Variants in PHACTR3 observed in about 807,000 individuals in gnomAD.
PHACTR3 encodes protein phosphatase 1, regulatory subunit 123.
A neutral mutation model predicts 66.8 loss-of-function variants in PHACTR3; 16 were observed. That is an observed-to-expected ratio of 0.24 (90% confidence interval 0.16 to 0.36). The LOEUF (loss-of-function observed/expected upper bound fraction) is 0.36, where lower values mean the gene tolerates loss of function less well. Ranked by LOEUF, PHACTR3 falls within the 10% of genes least tolerant of loss-of-function variation. The probability of loss-of-function intolerance (pLI) is 1.00; values close to 1 mark genes in which losing one functional copy is unlikely to be tolerated. For synonymous variants in PHACTR3, 323 were observed against 292.1 expected (o/e 1.11, Z -1.08); for missense variants, 647 against 719.9 (o/e 0.90, Z 1.16).
chr20:59,822,640 G>A (rs1600719096), intron 8 of PHACTR3, among the ~76,000 whole-genome samples: 2 of 152,246 alleles, frequency 1.3e-5, no homozygotes, highest in East Asian at 2.0e-4. Context: ...GATGAGGTGC[G>A]CCTGTCTTTT....
intron 1 of PHACTR3, among the ~76,000 whole-genome samples, chr20:59,677,160 A>G (rs1247822513): frequency 6.6e-6 from 1 of 152,212 alleles, no homozygotes; most frequent in Admixed American, 6.5e-5. Flanking sequence ...TCCAGGAAAT[A>G]ATAGATTGTC....
At chr20:59,682,023 AG>A (rs1165126930) in intron 1 of PHACTR3, among the ~76,000 whole-genome samples, 4,031 of 150,354 alleles carry the variant, frequency 0.027, 74 homozygotes, top group Middle Eastern at 0.058. Flanking sequence ...AAAAAAAAAA[AG>A]AAAGAAAGAA....
intron 7 of PHACTR3, among the ~76,000 whole-genome samples, chr20:59,786,917 T>C (rs894113025): frequency 3.9e-5 from 5 of 126,920 alleles, no homozygotes; most frequent in African/African-American, 1.3e-4. Flanking sequence ...ACAATGGTGA[T>C]CTTCACTAAT....
intron 2 of PHACTR3, among the ~76,000 whole-genome samples, chr20:59,745,612 C>G (rs185764263): frequency 1.3e-5 from 2 of 152,188 alleles, no homozygotes; most frequent in African/African-American, 4.8e-5. Flanking sequence ...ACGGGCATCA[C>G]GGGTTAGGAT....
Position 59,604,877 on chromosome 20 carries a change from C to CTTTTTTTTTTTTTTTTTTT in PHACTR3, c.-134_-116dup, listed in dbSNP as rs11477768. 2 of 978,806 alleles carry CTTTTTTTTTTTTTTTTTTT rather than the reference C, an allele frequency of 2.0e-6. No individual in the cohort carries two copies. The highest frequency in any genetic ancestry group is 2.1e-5 in the African/African-American group (1 of 47,062). The allele number at this position is 978,806 out of a possible 1,614,324, so 60.6% of individuals were successfully genotyped here. On this transcript the variant is annotated 5_prime_UTR_variant, in exon 1 of 13. Transcript: ENST00000371015. ...TCTCCAGCTCGTTTCCTTTCCCGGC[C>CTTTTTTTTTTTTTTTTTTT]TTTTTTTTTTTTTTTTTTTTTTAAT...
At chr20:59,662,841 A>C (rs1456220115) in intron 1 of PHACTR3, among the ~76,000 whole-genome samples, 3 of 152,172 alleles carry the variant, frequency 2.0e-5, no homozygotes, top group Non-Finnish European at 4.4e-5. Flanking sequence ...CATTCATGCC[A>C]CATGGTGACG....
At chr20:59,602,444 A>T (rs1345776210), upstream of PHACTR3, among the ~76,000 whole-genome samples, 2 of 151,968 alleles carry the variant, frequency 1.3e-5, no homozygotes, top group African/African-American at 4.8e-5. Context: ...TCTTTCAAAA[A>T]AAAAAAAAAA....
intron 1 of PHACTR3, among the ~76,000 whole-genome samples, chr20:59,669,898 TATTA>T (rs1451341768): frequency 6.6e-6 from 1 of 152,246 alleles, no homozygotes; most frequent in Non-Finnish European, 1.5e-5. Context: ...GTGTTGTTTC[TATTA>T]ATTGTTTTAA....
chr20:59,633,635 A>G (rs2034748516), intron 1 of PHACTR3, among the ~76,000 whole-genome samples: 1 of 152,204 alleles, frequency 6.6e-6, no homozygotes, highest in Admixed American at 6.5e-5. Context: ...TTTTGTTTTT[A>G]GAAGAAATAA....
chr20:59,677,788 T>C lies in PHACTR3; in HGVS notation c.119-65319T>C, dbSNP rs147484668. 2.6e-4 allele frequency among the ~76,000 whole-genome samples: 39 copies of C among 152,324 alleles called. 1 individual carries two copies. The highest frequency in any genetic ancestry group is 8.7e-4 in the African/African-American group (36 of 41,564). On this transcript the variant is annotated intron_variant, in intron 1 of 12. Transcript: ENST00000371015. The stretch of plus-strand genomic sequence containing the variant: ...GAGGAATTACGGAATTATGTGCGTG[T>C]ATAATGATGGTAACCACATACACAA...
chr20:59,791,479 G>A (rs1196198785), intron 7 of PHACTR3, among the ~76,000 whole-genome samples: 1 of 152,190 alleles, frequency 6.6e-6, no homozygotes, highest in African/African-American at 2.4e-5. Context: ...CTCCCCATTG[G>A]GAAGCAAATC....
intron 1 of PHACTR3, among the ~76,000 whole-genome samples, chr20:59,588,350 G>A (rs5024839): frequency 0.081 from 12,345 of 152,070 alleles, 534 homozygotes; most frequent in South Asian, 0.13. Context: ...CATTTCTGTC[G>A]CCCCTGTCCC....
intron 1 of PHACTR3, among the ~76,000 whole-genome samples, chr20:59,582,292 A>G (rs1445752564): frequency 1.3e-5 from 2 of 152,200 alleles, no homozygotes; most frequent in African/African-American, 4.8e-5. Context: ...CTGGCTTCAT[A>G]GGTTCTGTCT....
chr20:59,617,985 G>A (rs769499413), intron 1 of PHACTR3, among the ~76,000 whole-genome samples: 29 of 152,222 alleles, frequency 1.9e-4, no homozygotes, highest in Admixed American at 5.2e-4. Context: ...CCATCCAGCT[G>A]TGGGGAGGCT....
At chr20:59,586,092 GT>G (rs1265950544) in intron 1 of PHACTR3, among the ~76,000 whole-genome samples, 1 of 152,164 alleles carries the variant, frequency 6.6e-6, no homozygotes, top group East Asian at 1.9e-4. Flanking sequence ...CACCTGACAG[GT>G]GCCCTTGGTA....
chr20:59,837,480 T>G (rs531094107), intron 9 of PHACTR3, among the ~76,000 whole-genome samples: 1 of 152,294 alleles, frequency 6.6e-6, no homozygotes, highest in Admixed American at 6.5e-5. Context: ...AGTGCCTTCA[T>G]TAACTGCCTA....
intron 4 of PHACTR3, among the ~76,000 whole-genome samples, chr20:59,759,910 T>C (rs1208714785): frequency 6.6e-6 from 1 of 152,078 alleles, no homozygotes; most frequent in Admixed American, 6.6e-5. Flanking sequence ...CTTGGACAAG[T>C]TCAGGGAAAC....
chr20:59,696,336 G>T (rs2037296891), intron 1 of PHACTR3, among the ~76,000 whole-genome samples: 1 of 152,182 alleles, frequency 6.6e-6, no homozygotes, highest in Admixed American at 6.5e-5. Context: ...TTAGTACTGG[G>T]CAGTGGATGG....
Position 59,743,983 on chromosome 20 carries a change from C to T in PHACTR3, c.280+715C>T, listed in dbSNP as rs534688428. Reference sequence around the variant, plus strand: ...GAAGCGGGATTGCGATGGCTGGTCCCGTTGCCCCCGCCTCCTCGGAATCCA... The same window carrying T: ...GAAGCGGGATTGCGATGGCTGGTCCTGTTGCCCCCGCCTCCTCGGAATCCA... On this transcript the variant is annotated intron_variant, in intron 2 of 12. Transcript: ENST00000371015. 8.5e-5 allele frequency among the ~76,000 whole-genome samples: 13 copies of T among 152,316 alleles called. No individual in the cohort carries two copies. In the East Asian group the frequency reaches 9.7e-4, roughly 11 times the overall value.
Sources: gnomAD v4.1 joint callset for allele counts (sites outside exome capture counted in the v4.1 genomes callset) on GRCh38, gnomAD v4.1.1 for gene constraint, MANE v1.5 for transcripts, NCBI Gene and HGNC (gene_info 2026-07-23, HGNC 2026-07-21) for gene names.